The following ELP4 variants were observed in gnomAD, a reference collection of about 807,000 sequenced individuals.
ELP4 encodes the protein elongator acetyltransferase complex subunit 4, also known as elongator complex protein 4.
Under a neutral mutation model 48.9 loss-of-function variants are expected in ELP4, and 51 were observed. That is an observed-to-expected ratio of 1.04 (90% CI 0.83 to 1.32). The LOEUF (loss-of-function observed/expected upper bound fraction) is 1.32, where lower values mean the gene tolerates loss of function less well. Ranked by LOEUF, ELP4 falls within the 40% of genes most tolerant of loss-of-function variation. The probability of loss-of-function intolerance (pLI) is 0.00; values close to 1 mark genes in which losing one functional copy is unlikely to be tolerated. For missense variants in ELP4, 519 were observed against 514.6 expected, an observed-to-expected ratio of 1.01 and a Z score of -0.08; for synonymous variants, 210 against 189.2, an observed-to-expected ratio of 1.11 and a Z score of -0.90.
chr11:31,556,361 C>T (rs1459515046), intron 3 of ELP4, among the ~76,000 whole-genome samples: 1 of 151,742 alleles, frequency 6.6e-6, no homozygotes, highest in African/African-American at 2.4e-5. Context: ...TCCATGAAAA[C>T]TTTCTATGGA....
At position 31,785,780 on chromosome 11, in the gene ELP4, A is replaced by C. The variant is rs1281317401; in HGVS notation, c.*2256A>C. 5.2e-6 allele frequency: 1 copy of C among 194,060 alleles called. No individual in the cohort carries two copies. 12.0% of individuals were successfully genotyped at this position (194,060 alleles called of 1,614,324 possible). A position where few individuals can be genotyped will look rare whatever the true frequency, so the allele number is the denominator to read the frequency against. On this transcript the variant is annotated 3_prime_UTR_variant, in exon 10 of 10. Transcript: ENST00000640961. ...TGTTAATAACTTACTACATAAACAT[A>C]TCTCTCTTCAATAATGCTACCTTAG... is the stretch of plus-strand genomic sequence containing the variant.
intron 9 of ELP4, among the ~76,000 whole-genome samples, chr11:31,770,763 A>T (rs1231266393): frequency 1.4e-5 from 2 of 147,768 alleles, no homozygotes. Context: ...CAAAAAATAG[A>T]TGTGTTAGCA....
intron 2 of ELP4, among the ~76,000 whole-genome samples, chr11:31,523,025 T>C (rs1234008826): frequency 1.4e-5 from 2 of 148,064 alleles, no homozygotes; most frequent in African/African-American, 5.0e-5. Flanking sequence ...GCCCTGCTAA[T>C]TTTTTATTTA....
chr11:31,543,444 C>T (rs1391518501), intron 3 of ELP4, among the ~76,000 whole-genome samples: 1 of 152,098 alleles, frequency 6.6e-6, no homozygotes, highest in African/African-American at 2.4e-5. Flanking sequence ...CTCAGCCTCC[C>T]AAGTAGCGGG....
At chr11:31,667,361 A>G (rs1592206110) in intron 9 of ELP4, among the ~76,000 whole-genome samples, 1 of 152,184 alleles carries the variant, frequency 6.6e-6, no homozygotes, top group East Asian at 1.9e-4. Context: ...TGCATTCTAC[A>G]CAAAGTTTTT....
intron 5 of ELP4, among the ~76,000 whole-genome samples, chr11:31,622,597 C>G (rs1438246141): frequency 6.6e-6 from 1 of 151,542 alleles, no homozygotes; most frequent in African/African-American, 2.4e-5. Flanking sequence ...AATGGCAACA[C>G]TACTTTTCAC....
At chr11:31,520,330 T>C (rs904167533) in intron 2 of ELP4, among the ~76,000 whole-genome samples, 3 of 152,230 alleles carry the variant, frequency 2.0e-5, no homozygotes, top group African/African-American at 7.2e-5. Context: ...TCATAGTTCA[T>C]TGTGCTCCAT....
chr11:31,781,255 G>A (rs1948367461), intron 9 of ELP4, among the ~76,000 whole-genome samples: 1 of 151,896 alleles, frequency 6.6e-6, no homozygotes, highest in Non-Finnish European at 1.5e-5. Flanking sequence ...ATACATGCAC[G>A]TTTCTTTATG....
chr11:31,710,818 A>C (rs1284891801), intron 9 of ELP4, among the ~76,000 whole-genome samples: 1 of 152,120 alleles, frequency 6.6e-6, no homozygotes, highest in Non-Finnish European at 1.5e-5. Flanking sequence ...TCATGTAACT[A>C]TCCAAGCATT....
At chr11:31,682,693 G>A (rs1414815773) in intron 9 of ELP4, among the ~76,000 whole-genome samples, 1 of 152,156 alleles carries the variant, frequency 6.6e-6, no homozygotes, top group Admixed American at 6.5e-5. Context: ...AGAGCTCATA[G>A]TCTAGTAGAG....
intron 9 of ELP4, among the ~76,000 whole-genome samples, chr11:31,673,506 T>G (rs1256127410): frequency 6.6e-6 from 1 of 152,082 alleles, no homozygotes; most frequent in African/African-American, 2.4e-5. Flanking sequence ...TAATTTTATT[T>G]TTTGTAGAGA....
intron 3 of ELP4, among the ~76,000 whole-genome samples, chr11:31,547,720 T>G (rs952019043): frequency 2.0e-5 from 3 of 152,124 alleles, no homozygotes; most frequent in Non-Finnish European, 4.4e-5. Flanking sequence ...TGTTGAACAT[T>G]CATGCAAAAA....
intron 9 of ELP4, among the ~76,000 whole-genome samples, chr11:31,740,797 C>T (rs1947426675): frequency 6.6e-6 from 1 of 152,336 alleles, no homozygotes; most frequent in East Asian, 1.9e-4. Flanking sequence ...CTCCGGTCTA[C>T]AGCTCCCAGC....
chr11:31,546,073 C>T (rs1252600351), intron 3 of ELP4, among the ~76,000 whole-genome samples: 11 of 151,926 alleles, frequency 7.2e-5, no homozygotes, highest in Admixed American at 7.2e-4. Context: ...GAAACTGCAT[C>T]AACTAACGAG....
At chr11:31,770,513 AT>A (rs200933329) in intron 9 of ELP4, among the ~76,000 whole-genome samples, 8 of 144,434 alleles carry the variant, frequency 5.5e-5, no homozygotes, top group South Asian at 2.2e-4. Context: ...TACCTAAATG[AT>A]TTTTTTTTCA....
At chr11:31,515,693 A>C (rs1956098779) in intron 1 of ELP4, among the ~76,000 whole-genome samples, 1 of 151,918 alleles carries the variant, frequency 6.6e-6, no homozygotes, top group Non-Finnish European at 1.5e-5. Flanking sequence ...GAATTGCCAA[A>C]ATGGTAAAGG....
At chr11:31,569,458 C>A (rs969099020) in intron 3 of ELP4, among the ~76,000 whole-genome samples, 4 of 152,072 alleles carry the variant, frequency 2.6e-5, no homozygotes, top group Admixed American at 2.6e-4. Flanking sequence ...CTCAAAAGAA[C>A]ACATACAAGT....
At chr11:31,581,534 G>C (rs1422135633) in intron 3 of ELP4, among the ~76,000 whole-genome samples, 1 of 151,166 alleles carries the variant, frequency 6.6e-6, no homozygotes, top group Non-Finnish European at 1.5e-5. Context: ...TGCCATTCAT[G>C]TTCCTGACGT....
intron 9 of ELP4, among the ~76,000 whole-genome samples, chr11:31,683,329 T>C (rs1326006220): frequency 1.3e-5 from 2 of 152,192 alleles, no homozygotes; most frequent in African/African-American, 2.4e-5. Context: ...AATTTTCATA[T>C]AGCTTTTGAA....
Sources: gnomAD v4.1 joint callset for allele counts (sites outside exome capture counted in the v4.1 genomes callset) on GRCh38, gnomAD v4.1.1 for gene constraint, MANE v1.5 for transcripts, NCBI Gene and HGNC (gene_info 2026-07-23, HGNC 2026-07-21) for gene names.